FREM3: variants seen among roughly 807,000 people sequenced by gnomAD.
The protein encoded by FREM3 is FRAS1-related extracellular matrix protein 3.
In FREM3, 105 loss-of-function variants were observed where a neutral mutation model predicts 129.1. That is an observed-to-expected ratio of 0.81 (90% CI 0.69 to 0.96). The LOEUF (loss-of-function observed/expected upper bound fraction) is 0.96, where lower values mean the gene tolerates loss of function less well. Among genes scored for constraint, FREM3 ranks in the 40% least tolerant of loss-of-function variants. The pLI is 0.00. For synonymous variants in FREM3, 1,014 were observed against 1,044.9 expected (o/e 0.97, Z 0.57); for missense variants, 2,593 against 2,666.3 (o/e 0.97, Z 0.61).
Position 143,696,659 on chromosome 4 carries a change from A to T in FREM3, c.4017T>A (p.Asp1339Glu). 1 of 1,537,898 alleles carries T rather than the reference A, an allele frequency of 6.5e-7. No homozygotes were observed. Among genetic ancestry groups the T allele is most frequent in the South Asian group, 1.2e-5 (1 of 84,060 alleles). ...ILKATDLDSD[D>E]KSLSFVLHSG... ...AATGGAGGACAAAACTGAGGCTTTT[A>T]TCATCTGAGTCAAGATCTGTGGCCT... Residue 1339 changes from aspartate (D) to glutamate (E), a missense_variant, in exon 1 of 8, where the codon GAT becomes GAA. Asp to Glu is a conservative substitution (Grantham distance 45). Around this residue, in one of 2 missense-constraint regions of FREM3, gnomAD observed 2,276 missense variants for 2,267.2 expected, o/e 1.00. Coordinates refer to ENST00000329798, the MANE Select transcript of FREM3 (RefSeq NM_001168235.2).
In FREM3 at chr4:143,697,190, T is replaced by TTG. The variant is rs748953102; in HGVS notation, c.3484_3485dup (p.Gln1162HisfsTer24). On this transcript the variant is annotated frameshift_variant, in exon 1 of 8. Coordinates refer to ENST00000329798, the MANE Select transcript of FREM3 (RefSeq NM_001168235.2). LOFTEE classifies it high-confidence loss of function. The stretch of plus-strand genomic sequence containing the variant: ...AGCAATAAAAGGTGAATTGGTCCTC[T>TTG]TGTGGCTCTACTCCCTTGTGAATAC... 25 of 1,537,940 alleles carry TTG rather than the reference T, an allele frequency of 1.6e-5. No homozygotes were observed. In the South Asian group the frequency reaches 3.0e-4, roughly 18 times the overall value.
chr4:143,660,984 G>T lies in FREM3; in HGVS notation c.5275+32129C>A, dbSNP rs540361793. Among the ~76,000 whole-genome samples the T allele has an allele frequency of 1.2e-3, 189 of 152,282 alleles. 2 individuals carry two copies. The highest frequency in any genetic ancestry group is 4.5e-3 in the African/African-American group (185 of 41,558). ...GCTTATCAGCTTAAGGAGATTTTGG[G>T]TTGAGACAATGGGGTTTTCTAGATA... On this transcript the variant is annotated intron_variant, in intron 2 of 7. Coordinates refer to ENST00000329798, the MANE Select transcript of FREM3 (RefSeq NM_001168235.2).
chr4:143,692,834 T>A (rs997335853), intron 2 of FREM3, among the ~76,000 whole-genome samples: 1 of 152,160 alleles, frequency 6.6e-6, no homozygotes, highest in African/African-American at 2.4e-5. Flanking sequence ...CTTGCCTATA[T>A]GATGTCACAC....
intron 4 of FREM3, among the ~76,000 whole-genome samples, chr4:143,622,882 GTTC>G (rs538585413): frequency 2.9e-4 from 44 of 152,186 alleles, no homozygotes; most frequent in African/African-American, 1.0e-3. Flanking sequence ...GATGATCTAT[GTTC>G]TTCTCCTTGA....
rs533374901 is a variant in FREM3, at chr4:143,696,651, A to C, written c.4025T>G (p.Leu1342Arg). The change falls in exon 1 of 8, where the codon CTC becomes CGC. Residue 1342 changes from leucine (L) to arginine (R), a missense_variant. Leu to Arg is a moderately radical substitution (Grantham distance 102). This residue lies in a region of FREM3 where 2,276 missense variants were observed against 2,267.2 expected (regional missense o/e 1.00). Coordinates refer to ENST00000329798, the MANE Select transcript of FREM3 (RefSeq NM_001168235.2). ...ATDLDSDDKS[L>R]SFVLHSGPQQ... ...AGGCCCAGAATGGAGGACAAAACTG[A>C]GGCTTTTATCATCTGAGTCAAGATC... The C allele has an allele frequency of 1.2e-4, 189 of 1,537,844 alleles. No individual in the cohort carries two copies. The South Asian group carries it at 1.8e-3, about 15-fold the overall frequency.
chr4:143,646,548 G>C (rs1312251744), intron 2 of FREM3, among the ~76,000 whole-genome samples: 2 of 152,128 alleles, frequency 1.3e-5, no homozygotes, highest in African/African-American at 4.8e-5. Flanking sequence ...CACAAGATCT[G>C]ATGGTTTTTA....
chr4:143,689,956 A>G (rs1395377564), intron 2 of FREM3, among the ~76,000 whole-genome samples: 2 of 151,410 alleles, frequency 1.3e-5, no homozygotes, highest in Non-Finnish European at 2.9e-5. Flanking sequence ...ACAAATCACC[A>G]CCAAAGAACT....
At chr4:143,665,200 A>G (rs1339658655) in intron 2 of FREM3, among the ~76,000 whole-genome samples, 2 of 152,100 alleles carry the variant, frequency 1.3e-5, no homozygotes, top group African/African-American at 4.8e-5. Flanking sequence ...TGGGAGCTGT[A>G]GACTGGAGCT....
chr4:143,650,698 C>T (rs1050294451), intron 2 of FREM3, among the ~76,000 whole-genome samples: 1 of 152,160 alleles, frequency 6.6e-6, no homozygotes. Flanking sequence ...TTCCATATTG[C>T]CCAGGCTGAT....
intron 2 of FREM3, among the ~76,000 whole-genome samples, chr4:143,666,122 T>C (rs560421383): frequency 6.6e-6 from 1 of 152,220 alleles, no homozygotes; most frequent in South Asian, 2.1e-4. Flanking sequence ...TTAGATAAAA[T>C]AGAAGATAGG....
rs1437472771 is a variant in FREM3, at chr4:143,698,953, C to G, written c.1723G>C (p.Glu575Gln). The change falls in exon 1 of 8, where the codon GAG becomes CAG. Residue 575 changes from glutamate (E) to glutamine (Q), a missense_variant. Coordinates refer to ENST00000329798, the MANE Select transcript of FREM3 (RefSeq NM_001168235.2). ...AGCACAAAGTGGATGGTTGAGTCCT[C>G]AGAGTCAATATCAGTAGCACTCAGT... is the stretch of plus-strand genomic sequence containing the variant. ...FVLSATDIDS[E>Q]DSTIHFVLEN... 6.5e-7 allele frequency: 1 copy of G among 1,537,212 alleles called. No individual in the cohort carries two copies. Among genetic ancestry groups the G allele is most frequent in the East Asian group, 2.4e-5 (1 of 40,906 alleles).
intron 2 of FREM3, among the ~76,000 whole-genome samples, chr4:143,683,213 C>T (rs569355356): frequency 2.0e-4 from 30 of 152,232 alleles, no homozygotes; most frequent in African/African-American, 6.3e-4. Flanking sequence ...CCGGACAGAG[C>T]GAGCAGGGGC....
intron 2 of FREM3, among the ~76,000 whole-genome samples, chr4:143,669,518 C>T (rs1027913162): frequency 3.3e-5 from 5 of 151,784 alleles, no homozygotes; most frequent in African/African-American, 9.7e-5. Flanking sequence ...GAACTCTTGG[C>T]GTCAAGTGAT....
At chr4:143,603,469 C>T (rs1031153300) in intron 6 of FREM3, among the ~76,000 whole-genome samples, 2 of 152,090 alleles carry the variant, frequency 1.3e-5, no homozygotes, top group Admixed American at 1.3e-4. Context: ...ATTATGATGA[C>T]CTCACGTGTG....
intron 2 of FREM3, among the ~76,000 whole-genome samples, chr4:143,661,191 G>A (rs1464536800): frequency 2.0e-5 from 3 of 152,108 alleles, no homozygotes; most frequent in Admixed American, 6.6e-5. Context: ...TCTAGTTTTT[G>A]CCCATTCAGT....
At chr4:143,633,504 A>G (rs1739177470) in intron 2 of FREM3, among the ~76,000 whole-genome samples, 1 of 152,178 alleles carries the variant, frequency 6.6e-6, no homozygotes, top group Admixed American at 6.5e-5. Flanking sequence ...AGAACAATGA[A>G]AACAACAAAA....
chr4:143,577,798 C>A lies in FREM3; in HGVS notation c.6233G>T (p.Arg2078Leu), dbSNP rs768124562. Residue 2078 changes from arginine (R) to leucine (L), a missense_variant, in exon 8 of 8, where the codon CGC becomes CTC. Physicochemically the swap from Arg to Leu is moderately radical, Grantham distance 102. Coordinates refer to ENST00000329798, the MANE Select transcript of FREM3 (RefSeq NM_001168235.2). The stretch of plus-strand genomic sequence containing the variant: ...GATGGTCACTTGGAATGTCTGCATG[C>A]GCACGCCTGGAGCAAAGTCCAGGTT... ...SRNLDFAPGVRMQTFQVTILD... is the reference protein window; with the variant it reads ...SRNLDFAPGVLMQTFQVTILD... The A allele has an allele frequency of 6.5e-6, 10 of 1,537,184 alleles. No homozygotes were observed. The African/African-American group carries it at 8.2e-5, about 13-fold the overall frequency.
chr4:143,667,304 A>T (rs1054006955), intron 2 of FREM3, among the ~76,000 whole-genome samples: 2 of 152,210 alleles, frequency 1.3e-5, no homozygotes, highest in African/African-American at 4.8e-5. Context: ...TAAACTACTT[A>T]AGGAAAAAAT....
chr4:143,648,340 A>G (rs963866673), intron 2 of FREM3, among the ~76,000 whole-genome samples: 1 of 152,214 alleles, frequency 6.6e-6, no homozygotes, highest in African/African-American at 2.4e-5. Flanking sequence ...TTCTGGAATG[A>G]GTTAAAACTT....
Sources: allele counts gnomAD v4.1 joint callset (sites outside exome capture counted in the v4.1 genomes callset), GRCh38; gene constraint gnomAD v4.1.1; regional missense constraint gnomAD v4.1.1; transcripts MANE v1.5; gene names NCBI Gene and HGNC (gene_info 2026-07-23, HGNC 2026-07-21).